PI15: variants seen among roughly 807,000 people sequenced by gnomAD.
PI15 encodes the protein peptidase inhibitor 15, also known as 25 kDa trypsin inhibitor.
A neutral mutation model predicts 31.0 loss-of-function variants in PI15; 18 were observed. The observed-to-expected ratio is 0.58, with a 90% CI of 0.40 to 0.86. The LOEUF is 0.86. PI15 is among the 40% of genes least tolerant of loss of function. The probability of loss-of-function intolerance (pLI) is 0.00; values close to 1 mark genes in which losing one functional copy is unlikely to be tolerated. For synonymous variants in PI15, 118 were observed against 119.1 expected (o/e 0.99, Z 0.06); for missense variants, 282 against 328.1 (o/e 0.86, Z 1.09).
rs1811161000 is a variant in PI15 at position 74,855,000 on chromosome 8, T to G, written c.*5747T>G. 6.7e-6 allele frequency: 1 copy of G among 148,654 alleles called. No individual in the cohort carries two copies. Among genetic ancestry groups the G allele is most frequent in the Non-Finnish European group, 1.5e-5 (1 of 67,368 alleles). The allele number at this position is 148,654 out of a possible 1,614,324, so 9.2% of individuals were successfully genotyped here. On this transcript the variant is annotated 3_prime_UTR_variant, in exon 6 of 6. Transcript: ENST00000260113. ...TAGCTTTTTAAAGTCCATTGTATTG[T>G]TTTTTCTTTCAATAAAAGAGTATAA...
chr8:74,827,079 A>G (rs1810710759), intron 2 of PI15, among the ~76,000 whole-genome samples: 1 of 152,074 alleles, frequency 6.6e-6, no homozygotes, highest in Admixed American at 6.6e-5. Context: ...TATCCCAACT[A>G]TGAGTTTAGA....
chr8:74,851,690 C>T lies in PI15; in HGVS notation c.*2437C>T, dbSNP rs1811106343. The T allele has an allele frequency of 6.6e-6, 1 of 151,922 alleles. No individual in the cohort carries two copies. The highest frequency in any genetic ancestry group is 6.6e-5 in the Admixed American group (1 of 15,254). The allele number at this position is 151,922 out of a possible 1,614,324, so 9.4% of individuals were successfully genotyped here. ...TATATGAATGGATTTTTAGAATTAA[C>T]TAAGAAGCCAAAAATGGCAACAATT... On this transcript the variant is annotated 3_prime_UTR_variant, in exon 6 of 6. Transcript: ENST00000260113.
At chr8:74,848,310 C>A (rs1458153036) in intron 5 of PI15, among the ~76,000 whole-genome samples, 1 of 152,106 alleles carries the variant, frequency 6.6e-6, no homozygotes, top group South Asian at 2.1e-4. Flanking sequence ...TGGTTTATAC[C>A]ATTATACCAT....
At chr8:74,843,393 G>C (rs1009968122) in intron 2 of PI15, among the ~76,000 whole-genome samples, 1 of 152,180 alleles carries the variant, frequency 6.6e-6, no homozygotes, top group African/African-American at 2.4e-5. Context: ...GCCTGAATTT[G>C]CTTTCTTTTA....
intron 5 of PI15, among the ~76,000 whole-genome samples, chr8:74,848,195 T>A (rs553259346): frequency 3.3e-5 from 5 of 152,148 alleles, no homozygotes; most frequent in Non-Finnish European, 5.9e-5. Flanking sequence ...ATAGCACTAA[T>A]TTAAAACAAT....
chr8:74,824,735 T>C (rs1810666549), intron 1 of PI15, 60 bp downstream of exon 1: 1 of 155,954 alleles, frequency 6.4e-6, no homozygotes, highest in Admixed American at 6.2e-5. Context: ...TAGCTCACAT[T>C]TTTTTAAAGA....
At chr8:74,831,865 C>T (rs1484352172) in intron 2 of PI15, among the ~76,000 whole-genome samples, 1 of 151,862 alleles carries the variant, frequency 6.6e-6, no homozygotes, top group Non-Finnish European at 1.5e-5. Flanking sequence ...GTAGTACACT[C>T]GAGACATGGA....
intron 2 of PI15, among the ~76,000 whole-genome samples, chr8:74,825,750 C>A (rs1237973447): frequency 6.6e-6 from 1 of 151,940 alleles, no homozygotes; most frequent in Non-Finnish European, 1.5e-5. Context: ...TAGAGAGAAT[C>A]TATGTAGACT....
chr8:74,830,894 A>C (rs1430304789), intron 2 of PI15, among the ~76,000 whole-genome samples: 2 of 152,162 alleles, frequency 1.3e-5, no homozygotes, highest in Non-Finnish European at 2.9e-5. Context: ...TGTACTGAGA[A>C]CAATTGCTGG....
intron 5 of PI15, chr8:74,845,877 C>T (rs1811018361): frequency 1.2e-5 from 2 of 161,912 alleles, no homozygotes; most frequent in South Asian, 1.8e-4. Context: ...GCTGGCTTAC[C>T]TTTTTAGCAA....
At position 74,853,511 on chromosome 8, in the gene PI15, A is replaced by G. The variant is rs1333794688; in HGVS notation, c.*4258A>G. 6.6e-6 allele frequency: 1 copy of G among 152,526 alleles called. No individual in the cohort carries two copies. The highest frequency in any genetic ancestry group is 2.4e-5 in the African/African-American group (1 of 41,452). 9.4% of individuals were successfully genotyped at this position (152,526 alleles called of 1,614,324 possible). A position where few individuals can be genotyped will look rare whatever the true frequency, so the allele number is the denominator to read the frequency against. On this transcript the variant is annotated 3_prime_UTR_variant, in exon 6 of 6. Coordinates refer to ENST00000260113, the MANE Select transcript of PI15 (RefSeq NM_015886.5). ...TATTTTCTTTTTAAAATCTTTTTAT[A>G]GCTTGGCAATGTCCAAAGTCAAATA...
At chr8:74,826,210 T>G in intron 2 of PI15, 1 of 361,436 alleles carries the variant, frequency 2.8e-6, no homozygotes, top group Non-Finnish European at 3.9e-6. Flanking sequence ...AAAAAAAAAG[T>G]TAGTATTGAA....
intron 3 of PI15, 132 bp downstream of exon 3, chr8:74,844,231 C>T (rs543944283): frequency 1.9e-5 from 13 of 674,678 alleles, no homozygotes; most frequent in African/African-American, 1.3e-4. Context: ...CAGGTACTAA[C>T]GCTTGGCCTA....
In PI15 at chr8:74,825,287, T is replaced by C; in HGVS notation, c.38T>C (p.Phe13Ser). ...AISAVSSALL[F>S]SLLCEASTVV... Reference sequence around the variant, plus strand: ...TCTGCCGTCAGCAGTGCACTCCTGTTCTCCCTTCTCTGTGAAGCAAGTACC... The same window carrying C: ...TCTGCCGTCAGCAGTGCACTCCTGTCCTCCCTTCTCTGTGAAGCAAGTACC... The change falls in exon 2 of 6, where the codon TTC becomes TCC. Residue 13 changes from phenylalanine (F) to serine (S), a missense_variant. By Grantham distance (155) the Phe-to-Ser change is radical (BLOSUM62 -2). Coordinates refer to ENST00000260113, the MANE Select transcript of PI15 (RefSeq NM_015886.5). The C allele has an allele frequency of 6.2e-7, 1 of 1,613,488 alleles. No individual in the cohort carries two copies. The highest frequency in any genetic ancestry group is 8.5e-7 in the Non-Finnish European group (1 of 1,179,576).
intron 2 of PI15, among the ~76,000 whole-genome samples, chr8:74,840,045 G>A (rs1038857803): frequency 7.3e-5 from 11 of 151,658 alleles, no homozygotes; most frequent in Non-Finnish European, 2.9e-5. Flanking sequence ...AAGTACTTAC[G>A]GATCCCACTT....
Position 74,854,007 on chromosome 8 carries a change from TAATC to T in PI15, c.*4758_*4761del, listed in dbSNP as rs1811144505. 1 of 151,976 alleles carries T rather than the reference TAATC, an allele frequency of 6.6e-6. No individual in the cohort carries two copies. The highest frequency in any genetic ancestry group is 1.5e-5 in the Non-Finnish European group (1 of 67,908). The allele number at this position is 151,976 out of a possible 1,614,324, so 9.4% of individuals were successfully genotyped here. Reference sequence around the variant, plus strand: ...GTCATAAGAAAAATATATAGAAAAATAATCAATTTCATATATAAAAGGATTATTT... The same window carrying T: ...GTCATAAGAAAAATATATAGAAAAATAATTTCATATATAAAAGGATTATTT... On this transcript the variant is annotated 3_prime_UTR_variant, in exon 6 of 6. Coordinates refer to ENST00000260113, the MANE Select transcript of PI15 (RefSeq NM_015886.5).
rs1230876942 is a variant in PI15 at position 74,852,702 on chromosome 8, C to T, written c.*3449C>T. On this transcript the variant is annotated 3_prime_UTR_variant, in exon 6 of 6. Coordinates refer to ENST00000260113, the MANE Select transcript of PI15 (RefSeq NM_015886.5). Reference sequence around the variant, plus strand: ...ATAATATATACCTATGTGAAACCAACTTATCTGCATAATTAAATCTAATAC... The same window carrying T: ...ATAATATATACCTATGTGAAACCAATTTATCTGCATAATTAAATCTAATAC... 1 of 152,126 alleles carries T rather than the reference C, an allele frequency of 6.6e-6. No individual in the cohort carries two copies. Among genetic ancestry groups the T allele is most frequent in the Admixed American group, 6.6e-5 (1 of 15,264 alleles). 9.4% of individuals were successfully genotyped at this position (152,126 alleles called of 1,614,324 possible). A position where few individuals can be genotyped will look rare whatever the true frequency, so the allele number is the denominator to read the frequency against.
intron 2 of PI15, among the ~76,000 whole-genome samples, chr8:74,833,697 T>A (rs1209330651): frequency 6.6e-6 from 1 of 152,140 alleles, no homozygotes; most frequent in Non-Finnish European, 1.5e-5. Context: ...TCTCTCAAGT[T>A]TTGAGAGATG....
intron 2 of PI15, chr8:74,826,303 C>G (rs1810699202): frequency 1.0e-6 from 1 of 979,864 alleles, no homozygotes; most frequent in Admixed American, 6.2e-5. Flanking sequence ...TACAAGAGCA[C>G]AGCTTGGAGC....
Sources: allele counts gnomAD v4.1 joint callset (sites outside exome capture counted in the v4.1 genomes callset), GRCh38; gene constraint gnomAD v4.1.1; transcripts MANE v1.5; gene names NCBI Gene and HGNC (gene_info 2026-07-23, HGNC 2026-07-21).